The following NUTM2G variants were observed in gnomAD, a reference collection of about 807,000 sequenced individuals.
NUTM2G encodes the protein NUT family member 2G.
NUTM2G carries 29 observed loss-of-function variants against 44.3 expected under a neutral mutation model. That is an observed-to-expected ratio of 0.66 (90% CI 0.49 to 0.89). The LOEUF (loss-of-function observed/expected upper bound fraction) is 0.89, where lower values mean the gene tolerates loss of function less well. Ranked by LOEUF, NUTM2G falls within the 40% of genes least tolerant of loss-of-function variation. The pLI is 0.00. For missense variants in NUTM2G, 502 were observed against 946.5 expected (o/e 0.53, Z 6.16); for synonymous variants, 205 against 395.9 (o/e 0.52, Z 5.72).
intron 2 of NUTM2G, among the ~76,000 whole-genome samples, chr9:96,935,063 CAT>C (rs1328320822): frequency 9.2e-5 from 14 of 152,230 alleles, no homozygotes; most frequent in African/African-American, 3.4e-4. Flanking sequence ...TGGGGACACA[CAT>C]GTTCCACCCA....
chr9:96,935,892 C>T (rs1041762706), intron 3 of NUTM2G, among the ~76,000 whole-genome samples: 4 of 151,804 alleles, frequency 2.6e-5, no homozygotes, highest in Non-Finnish European at 5.9e-5. Flanking sequence ...ACCTGGGACA[C>T]CATGAGACCC....
At chr9:96,936,749 C>T (rs915788702) in intron 4 of NUTM2G, among the ~76,000 whole-genome samples, 185 bp downstream of exon 4, 6 of 152,176 alleles carry the variant, frequency 3.9e-5, no homozygotes, top group Non-Finnish European at 5.9e-5. Context: ...CCCGTGATCA[C>T]GAAGCAGGGT....
chr9:96,942,025 C>T (rs142166362), downstream of NUTM2G, among the ~76,000 whole-genome samples: 5,502 of 151,244 alleles, frequency 0.036, 406 homozygotes, highest in East Asian at 0.34. Flanking sequence ...TCCCTGCTCA[C>T]GCAGCCAGGT....
Position 96,937,344 on chromosome 9 carries a change from A to T in NUTM2G, c.1263A>T (p.Ser421=). ...CGCAGGAAGAGGACGGGATGACCTCAGACCCGGGCCTCCTGAGCTACATTG... is the reference window on the plus strand; with the variant it reads ...CGCAGGAAGAGGACGGGATGACCTCTGACCCGGGCCTCCTGAGCTACATTG... ...EQPQEEDGMT[S]DPGLLSYIDK... Residue 421 remains serine, a synonymous_variant, in exon 5 of 7, where the codon TCA becomes TCT. Coordinates refer to ENST00000372322, the MANE Select transcript of NUTM2G (RefSeq NM_001170741.3). The T allele has an allele frequency of 3.1e-6, 5 of 1,613,972 alleles. No individual in the cohort carries two copies. The highest frequency in any genetic ancestry group is 4.2e-6 in the Non-Finnish European group (5 of 1,179,874).
At chr9:96,940,870 G>A (rs1826574218), downstream of NUTM2G, among the ~76,000 whole-genome samples, 1 of 152,284 alleles carries the variant, frequency 6.6e-6, no homozygotes, top group East Asian at 1.9e-4. Flanking sequence ...GGCAGTGTCG[G>A]AGGCCTGCCA....
In NUTM2G at chr9:96,934,187, C is replaced by T. The variant is rs371012688; in HGVS notation, c.714-1141C>T. 3.3e-5 allele frequency among the ~76,000 whole-genome samples: 5 copies of T among 152,266 alleles called. No individual in the cohort carries two copies. The South Asian group carries it at 1.0e-3, about 32-fold the overall frequency. ...GGTGACTGTGAGGCAGCAACATCAG[C>T]ATCTGGGAGAGTTTGTGGTTTCATT... is the stretch of plus-strand genomic sequence containing the variant. On this transcript the variant is annotated intron_variant, in intron 2 of 6. Coordinates refer to ENST00000372322, the MANE Select transcript of NUTM2G (RefSeq NM_001170741.3).
rs369723479 is a variant in NUTM2G, at chr9:96,931,783, G to C, written c.78G>C (p.Thr26=). ...CTGGCACCTCCCTGTCTGTGTTCAC[G>C]GCTCTGCCCTTTGCCACACCCTCTC... ...VNPGTSLSVF[T]ALPFATPSPG... The change falls in exon 2 of 7, where the codon ACG becomes ACC. Residue 26 remains threonine, a synonymous_variant. Transcript: ENST00000372322. The C allele has an allele frequency of 2.5e-6, 4 of 1,611,598 alleles. No homozygotes were observed. The highest frequency in any genetic ancestry group is 3.4e-6 in the Non-Finnish European group (4 of 1,179,852).
At chr9:96,937,780 G>A (rs1284330505) in intron 5 of NUTM2G, 105 bp from the exon 6 acceptor site, 6 of 1,453,180 alleles carry the variant, frequency 4.1e-6, no homozygotes, top group Non-Finnish European at 5.8e-6. Context: ...AGCCCCAGGA[G>A]GGTGGGAATG....
At chr9:96,933,153 T>C (rs1826321733) in intron 2 of NUTM2G, among the ~76,000 whole-genome samples, 1 of 150,128 alleles carries the variant, frequency 6.7e-6, no homozygotes, top group African/African-American at 2.5e-5. Flanking sequence ...AATTTTTTTG[T>C]ATTTTTAGTA....
At chr9:96,935,247 A>G in intron 2 of NUTM2G, 81 bp from the exon 3 acceptor site, 1 of 1,590,186 alleles carries the variant, frequency 6.3e-7, no homozygotes, top group South Asian at 1.1e-5. Context: ...TGTGGGGAGG[A>G]CAGGAGCCAG....
intron 3 of NUTM2G, 35 bp downstream of exon 3, chr9:96,935,491 G>A: frequency 6.2e-7 from 1 of 1,611,942 alleles, no homozygotes; most frequent in Non-Finnish European, 8.5e-7. Context: ...GGCCCGTGTG[G>A]CGGGGTGAGA....
chr9:96,929,868 C>T (rs1195150745), intron 1 of NUTM2G, among the ~76,000 whole-genome samples: 3 of 151,162 alleles, frequency 2.0e-5, no homozygotes, highest in African/African-American at 4.8e-5. Context: ...CATGAACGGG[C>T]GACAGGTGTG....
chr9:96,941,997 C>G (rs1022502105), downstream of NUTM2G, among the ~76,000 whole-genome samples: 1 of 151,470 alleles, frequency 6.6e-6, no homozygotes, highest in Non-Finnish European at 1.5e-5. Context: ...TATGCTGAGG[C>G]TCTCGGTGGG....
intron 1 of NUTM2G, among the ~76,000 whole-genome samples, chr9:96,931,342 A>G (rs977518646): frequency 2.0e-5 from 3 of 151,688 alleles, no homozygotes; most frequent in Non-Finnish European, 4.4e-5. Context: ...GCCCTGGGGT[A>G]GGCCCCTCAC....
At position 96,928,926 on chromosome 9, in the gene NUTM2G, G is replaced by A; in HGVS notation, c.-99G>A. 7.5e-7 allele frequency: 1 copy of A among 1,328,790 alleles called. No homozygotes were observed. Among genetic ancestry groups the A allele is most frequent in the Non-Finnish European group, 1.1e-6 (1 of 942,662 alleles). 82.3% of individuals were successfully genotyped at this position (1,328,790 alleles called of 1,614,324 possible). A position where few individuals can be genotyped will look rare whatever the true frequency, so the allele number is the denominator to read the frequency against. ...ATTATCCCTGCTCCACTTGGACTCA[G>A]GAGGATCTGCTGAGTCAGGTCACTC... On this transcript the variant is annotated 5_prime_UTR_variant, in exon 1 of 7. Transcript: ENST00000372322.
chr9:96,936,845 C>G (rs561680591), intron 4 of NUTM2G, among the ~76,000 whole-genome samples: 1 of 152,332 alleles, frequency 6.6e-6, no homozygotes, highest in South Asian at 2.1e-4. Flanking sequence ...CAGAGATGAG[C>G]CGGGAGAGTA....
At chr9:96,934,758 A>C (rs1477079593) in intron 2 of NUTM2G, among the ~76,000 whole-genome samples, 1 of 151,990 alleles carries the variant, frequency 6.6e-6, no homozygotes, top group Non-Finnish European at 1.5e-5. Flanking sequence ...TGCCGTAACG[A>C]ATCCCATAGA....
At chr9:96,933,433 C>G (rs766536075) in intron 2 of NUTM2G, 1 of 150,652 alleles carries the variant, frequency 6.6e-6, no homozygotes, top group African/African-American at 2.5e-5. Context: ...TGCAATGGTG[C>G]GATCTTGGCT....
chr9:96,934,824 C>T (rs910935605), intron 2 of NUTM2G, among the ~76,000 whole-genome samples: 19 of 152,244 alleles, frequency 1.2e-4, no homozygotes, highest in African/African-American at 4.6e-4. Flanking sequence ...CCAGAAGTCC[C>T]AGATCAAGGT....
Sources: allele counts gnomAD v4.1 joint callset (sites outside exome capture counted in the v4.1 genomes callset), GRCh38; gene constraint gnomAD v4.1.1; transcripts MANE v1.5; gene names NCBI Gene and HGNC (gene_info 2026-07-23, HGNC 2026-07-21).